The following DLC1 variants were observed in gnomAD, a reference collection of about 807,000 sequenced individuals.
DLC1 encodes DLC1 Rho GTPase activating protein.
DLC1 carries 54 observed loss-of-function variants against 140.3 expected under a neutral mutation model. The observed-to-expected ratio is 0.38, with a 90% CI of 0.31 to 0.48. The LOEUF (loss-of-function observed/expected upper bound fraction) is 0.48. Ranked by LOEUF, DLC1 falls within the 20% of genes least tolerant of loss-of-function variation. The pLI is 0.96. For missense variants in DLC1, 2,536 were observed against 1,907.0 expected (o/e 1.33, Z -6.14); for synonymous variants, 986 against 728.1 (o/e 1.35, Z -5.70).
chr8:13,108,065 TAAAG>T (rs1041864633), intron 7 of DLC1, among the ~76,000 whole-genome samples: 2 of 151,846 alleles, frequency 1.3e-5, no homozygotes, highest in Admixed American at 1.3e-4. Context: ...AAAAATAAAA[TAAAG>T]GAAGCTGCTT....
In DLC1 at chr8:13,531,008, A is replaced by C. The variant is rs568739544; in HGVS notation, c.-125-30812T>G. ...CAATTAGATTGAAATGAGTTAGGAA[A>C]GAGTGACTCTCATGATAGGCTTAGT... On this transcript the variant is annotated intron_variant, in intron 1 of 1. Coordinates refer to the DLC1 transcript ENST00000631382. 1.1e-4 allele frequency among the ~76,000 whole-genome samples: 16 copies of C among 152,314 alleles called. No individual in the cohort carries two copies. The South Asian group carries it at 3.1e-3, about 30-fold the overall frequency.
intron 5 of DLC1, among the ~76,000 whole-genome samples, chr8:13,208,652 A>G (rs1827787239): frequency 6.6e-6 from 1 of 151,902 alleles, no homozygotes; most frequent in Non-Finnish European, 1.5e-5. Context: ...TGACTTTGGA[A>G]CCGTGGCTTA....
intron 5 of DLC1, among the ~76,000 whole-genome samples, chr8:13,264,400 C>T (rs995939218): frequency 3.9e-5 from 6 of 152,046 alleles, no homozygotes; most frequent in African/African-American, 9.7e-5. Flanking sequence ...TGTTCAAACA[C>T]GAATAATATC....
chr8:13,398,129 C>CAA (rs34722653), intron 3 of DLC1, among the ~76,000 whole-genome samples: 1 of 150,052 alleles, frequency 6.7e-6, no homozygotes, highest in East Asian at 2.0e-4. Flanking sequence ...GAGTCCATCT[C>CAA]AAAAAAAAGA....
chr8:13,279,666 T>C (rs1831298305), intron 5 of DLC1, among the ~76,000 whole-genome samples: 1 of 152,196 alleles, frequency 6.6e-6, no homozygotes, highest in African/African-American at 2.4e-5. Context: ...TTCAACCCCT[T>C]ATGGATAAAT....
At chr8:13,203,809 G>T (rs1359047618) in intron 5 of DLC1, among the ~76,000 whole-genome samples, 1 of 152,164 alleles carries the variant, frequency 6.6e-6, no homozygotes, top group East Asian at 1.9e-4. Flanking sequence ...AAACAGAACA[G>T]AATGGATGGA....
At chr8:13,431,930 AAG>A (rs1415593550) in intron 2 of DLC1, among the ~76,000 whole-genome samples, 1 of 152,212 alleles carries the variant, frequency 6.6e-6, no homozygotes, top group African/African-American at 2.4e-5. Flanking sequence ...AGTCCAAAGA[AAG>A]AAATATTTTT....
chr8:13,336,115 T>C (rs1454941), intron 4 of DLC1, among the ~76,000 whole-genome samples: 130,154 of 152,128 alleles, frequency 0.86, 56,098 homozygotes, highest in East Asian at 0.95. Context: ...GAAAATATAA[T>C]TGAATTAATT....
At chr8:13,497,700 C>G (rs79287606) in intron 2 of DLC1, among the ~76,000 whole-genome samples, 19 of 152,208 alleles carry the variant, frequency 1.2e-4, no homozygotes, top group Admixed American at 9.2e-4. Flanking sequence ...TTAATACTGT[C>G]TTATGTCATT....
chr8:13,459,178 G>C (rs988319752), intron 2 of DLC1, among the ~76,000 whole-genome samples: 1 of 152,164 alleles, frequency 6.6e-6, no homozygotes, highest in Non-Finnish European at 1.5e-5. Context: ...TCTCTTGAAA[G>C]TTCCTTTTTT....
chr8:13,579,501 T>TTG (rs1563454310), intron 1 of DLC1, among the ~76,000 whole-genome samples: 1 of 106,964 alleles, frequency 9.3e-6, no homozygotes, highest in African/African-American at 3.8e-5. Flanking sequence ...ATATTATATT[T>TTG]TATATTATAT....
intron 2 of DLC1, among the ~76,000 whole-genome samples, chr8:13,403,790 T>C (rs564993707): frequency 2.1e-5 from 3 of 145,514 alleles, no homozygotes; most frequent in East Asian, 4.1e-4. Context: ...TATAGGCATG[T>C]ACCACCAGGT....
At chr8:13,594,616 C>T (rs954644186) in intron 1 of DLC1, among the ~76,000 whole-genome samples, 6 of 152,038 alleles carry the variant, frequency 3.9e-5, no homozygotes, top group Non-Finnish European at 4.4e-5. Context: ...TCTTTTCCTC[C>T]TAAACTTCTT....
At chr8:13,432,241 C>T (rs1838912878) in intron 2 of DLC1, among the ~76,000 whole-genome samples, 1 of 152,104 alleles carries the variant, frequency 6.6e-6, no homozygotes, top group Admixed American at 6.6e-5. Flanking sequence ...AACTTCAGAA[C>T]AGATATTTAT....
Position 13,096,442 on chromosome 8 carries a change from G to A in DLC1, c.3168-1197C>T, listed in dbSNP as rs1048289601. Among the ~76,000 whole-genome samples, 11 of 152,086 alleles carry A rather than the reference G, an allele frequency of 7.2e-5. 1 individual carries two copies. Among genetic ancestry groups the A allele is most frequent in the African/African-American group, 2.7e-4 (11 of 41,402 alleles). ...GTTACTGTTTATAGCTCCAGGAAAG[G>A]TAAAACGAAAGAGCAAAGTTAAGTT... On this transcript the variant is annotated intron_variant, in intron 10 of 17. Transcript: ENST00000276297.
chr8:13,327,511 T>A (rs2898359), intron 4 of DLC1, among the ~76,000 whole-genome samples: 1 of 148,024 alleles, frequency 6.8e-6, no homozygotes, highest in African/African-American at 2.5e-5. Flanking sequence ...GGGGTGGGGG[T>A]TTCTCATTAT....
intron 2 of DLC1, among the ~76,000 whole-genome samples, chr8:13,492,545 C>G (rs1048522911): frequency 2.4e-5 from 1 of 42,190 alleles, no homozygotes; most frequent in Non-Finnish European, 1.0e-4. Flanking sequence ...ACCTCTCTCA[C>G]TACTCTCTCC....
intron 2 of DLC1, among the ~76,000 whole-genome samples, chr8:13,426,200 T>C (rs1403287516): frequency 7.8e-6 from 1 of 128,826 alleles, no homozygotes; most frequent in Non-Finnish European, 1.8e-5. Flanking sequence ...CCAAATATTG[T>C]CTCTTAAATG....
rs919928495 is a variant in DLC1 at position 13,293,586 on chromosome 8, G to A, written c.1348+11683C>T. ...CCTCCTCTGTGCAAGATATCACATG[G>A]CATGCGGGGTGACAAAAAACGAAAC... On this transcript the variant is annotated intron_variant, in intron 5 of 17. Transcript: ENST00000276297. Among the ~76,000 whole-genome samples the A allele has an allele frequency of 9.9e-5, 15 of 152,166 alleles. 1 individual carries two copies. The highest frequency in any genetic ancestry group is 7.9e-4 in the Admixed American group (12 of 15,278).
Sources: allele counts gnomAD v4.1 joint callset (sites outside exome capture counted in the v4.1 genomes callset), GRCh38; gene constraint gnomAD v4.1.1; transcripts MANE v1.5; gene names NCBI Gene and HGNC (gene_info 2026-07-23, HGNC 2026-07-21).